EPM2A: variants seen among roughly 807,000 people sequenced by gnomAD.
EPM2A encodes laforin.
In EPM2A, 21 loss-of-function variants were observed where a neutral mutation model predicts 26.5. The observed-to-expected ratio is 0.79, with a 90% CI of 0.56 to 1.14. The LOEUF is 1.14. Among genes scored for constraint, EPM2A ranks in the 50% most tolerant of loss-of-function variants. The pLI is 0.00. For missense variants in EPM2A, 458 were observed against 440.8 expected, an observed-to-expected ratio of 1.04 and a Z score of -0.35; for synonymous variants, 217 against 177.6, an observed-to-expected ratio of 1.22 and a Z score of -1.76.
Position 145,625,850 on chromosome 6 carries a change from A to G in EPM2A, c.*1566T>C. On this transcript the variant is annotated 3_prime_UTR_variant, in exon 4 of 4. Transcript: ENST00000367519. ...CGCCTTCTAAATAAGAGTCTCTTGC[A>G]TCTATCAATATGTGTTTGTGGAAGA... The G allele has an allele frequency of 6.5e-7, 1 of 1,539,672 alleles. No individual in the cohort carries two copies.
chr6:145,533,852 TTC>T (rs990786720), intron 2 of EPM2A, among the ~76,000 whole-genome samples: 1 of 152,140 alleles, frequency 6.6e-6, no homozygotes, highest in Non-Finnish European at 1.5e-5. Context: ...TGTTTATTGT[TTC>T]TCTCTCTATC....
intron 2 of EPM2A, among the ~76,000 whole-genome samples, chr6:145,562,784 T>C (rs576760869): frequency 2.4e-4 from 37 of 152,152 alleles, no homozygotes; most frequent in Non-Finnish European, 4.1e-4. Flanking sequence ...TGCTGGCACA[T>C]TGAAGTGTTA....
At chr6:145,674,887 C>A (rs1466691414) in intron 2 of EPM2A, among the ~76,000 whole-genome samples, 2 of 152,108 alleles carry the variant, frequency 1.3e-5, no homozygotes, top group African/African-American at 4.8e-5. Context: ...GAGAATTTCT[C>A]CAACCTGGTA....
chr6:145,531,712 A>G (rs1780357720), intron 2 of EPM2A, among the ~76,000 whole-genome samples: 1 of 152,178 alleles, frequency 6.6e-6, no homozygotes, highest in African/African-American at 2.4e-5. Context: ...CAGGACCTAC[A>G]GCCCTGGATG....
At chr6:145,482,123 A>G (rs1162987359) in intron 4 of EPM2A, among the ~76,000 whole-genome samples, 1 of 152,182 alleles carries the variant, frequency 6.6e-6, no homozygotes, top group African/African-American at 2.4e-5. Context: ...TTGTGTGCAC[A>G]TTTACATTTT....
chr6:145,526,303 C>T (rs1411416956), intron 2 of EPM2A, among the ~76,000 whole-genome samples: 1 of 151,956 alleles, frequency 6.6e-6, no homozygotes, highest in East Asian at 1.9e-4. Context: ...TGGCTCCATA[C>T]AGTAAGTTGC....
At chr6:145,489,573 C>T in intron 4 of EPM2A, 1 of 839,624 alleles carries the variant, frequency 1.2e-6, no homozygotes, top group Non-Finnish European at 1.9e-6. Context: ...AGTCATACTG[C>T]CCATAATCCG....
chr6:145,440,185 A>G (rs1014038562), intron 4 of EPM2A, among the ~76,000 whole-genome samples: 2 of 152,210 alleles, frequency 1.3e-5, no homozygotes, highest in Admixed American at 1.3e-4. Flanking sequence ...TCATGGCAGA[A>G]GGTGTAAGGC....
At position 145,627,169 on chromosome 6, in the gene EPM2A, C is replaced by T; in HGVS notation, c.*247G>A. On this transcript the variant is annotated 3_prime_UTR_variant, in exon 4 of 4. Coordinates refer to ENST00000367519, the MANE Select transcript of EPM2A (RefSeq NM_005670.4). ...GGAACTGCACGCATTACCCTTCTGT[C>T]TGATGTACAGCCTAACTGCTTCGTG... 1 of 1,399,114 alleles carries T rather than the reference C, an allele frequency of 7.1e-7. No individual in the cohort carries two copies. The highest frequency in any genetic ancestry group is 3.0e-5 in the Admixed American group (1 of 33,782). The allele number at this position is 1,399,114 out of a possible 1,614,324, so 86.7% of individuals were successfully genotyped here. A position where few individuals can be genotyped will look rare whatever the true frequency, so the allele number is the denominator to read the frequency against.
chr6:145,601,343 G>T (rs1781414808), intron 2 of EPM2A, among the ~76,000 whole-genome samples: 1 of 151,890 alleles, frequency 6.6e-6, no homozygotes, highest in African/African-American at 2.4e-5. Context: ...TTTTGATGTT[G>T]TTTTGGCCAG....
At chr6:145,439,016 A>G (rs1264088939) in intron 4 of EPM2A, among the ~76,000 whole-genome samples, 1 of 151,386 alleles carries the variant, frequency 6.6e-6, no homozygotes, top group Non-Finnish European at 1.5e-5. Flanking sequence ...CTTTCTCTCC[A>G]TGTGTTCTCA....
chr6:145,595,412 T>TA (rs543385559), intron 2 of EPM2A, among the ~76,000 whole-genome samples: 204 of 145,270 alleles, frequency 1.4e-3, no homozygotes, highest in South Asian at 7.0e-3. Context: ...ATCTTTTACT[T>TA]AAAAAAAAAA....
chr6:145,711,806 CA>C (rs35388822), intron 1 of EPM2A, among the ~76,000 whole-genome samples: 18 of 151,100 alleles, frequency 1.2e-4, no homozygotes, highest in Admixed American at 9.9e-4. Flanking sequence ...CATTTTTCCT[CA>C]AAAAAAAATT....
chr6:145,731,910 G>C (rs1271909558), intron 1 of EPM2A, among the ~76,000 whole-genome samples: 1 of 152,056 alleles, frequency 6.6e-6, no homozygotes, highest in Non-Finnish European at 1.5e-5. Flanking sequence ...AGAATTATCA[G>C]CCACAGCTGA....
chr6:145,493,163 C>A (rs1779776124), intron 4 of EPM2A, among the ~76,000 whole-genome samples: 1 of 152,238 alleles, frequency 6.6e-6, no homozygotes, highest in Admixed American at 6.5e-5. Flanking sequence ...CTCAGTTGGA[C>A]ACCTGGGTGG....
intron 4 of EPM2A, among the ~76,000 whole-genome samples, chr6:145,416,657 G>A (rs1778711799): frequency 6.6e-6 from 1 of 152,136 alleles, no homozygotes; most frequent in African/African-American, 2.4e-5. Context: ...GCCTAGATAA[G>A]GGTATTTATA....
At chr6:145,414,881 A>T (rs1778687228) in intron 4 of EPM2A, among the ~76,000 whole-genome samples, 1 of 152,154 alleles carries the variant, frequency 6.6e-6, no homozygotes, top group South Asian at 2.1e-4. Flanking sequence ...TTAGTGTCTT[A>T]TTCTAGAAAG....
At chr6:145,397,283 T>A (rs1461623283) in intron 4 of EPM2A, among the ~76,000 whole-genome samples, 1 of 151,658 alleles carries the variant, frequency 6.6e-6, no homozygotes, top group East Asian at 1.9e-4. Context: ...GTGAAAAAAA[T>A]TTAAAAAGTT....
chr6:145,727,743 C>T (rs150694179), intron 1 of EPM2A, among the ~76,000 whole-genome samples: 221 of 152,292 alleles, frequency 1.5e-3, no homozygotes, highest in African/African-American at 5.1e-3. Flanking sequence ...AGCTGCCTAC[C>T]TAAAATCTAC....
Sources: gnomAD v4.1 joint callset for allele counts (sites outside exome capture counted in the v4.1 genomes callset) on GRCh38, gnomAD v4.1.1 for gene constraint, MANE v1.5 for transcripts, NCBI Gene and HGNC (gene_info 2026-07-23, HGNC 2026-07-21) for gene names.